Variants in CASKIN1 observed in about 807,000 individuals in gnomAD.
CASKIN1 encodes CASK interacting protein 1.
CASKIN1 carries 42 observed loss-of-function variants against 117.5 expected under a neutral mutation model. The ratio of observed to expected loss-of-function variants is 0.36; its 90% CI spans 0.28 to 0.46. The LOEUF (loss-of-function observed/expected upper bound fraction) is 0.46, where lower values mean the gene tolerates loss of function less well. Among genes scored for constraint, CASKIN1 ranks in the 20% least tolerant of loss-of-function variants. CASKIN1 has a pLI of 1.00. For missense variants in CASKIN1, 2,083 were observed against 2,077.3 expected, an observed-to-expected ratio of 1.00 and a Z score of -0.05; for synonymous variants, 1,148 against 961.7, an observed-to-expected ratio of 1.19 and a Z score of -3.59.
intron 7 of CASKIN1, 35 bp downstream of exon 7, chr16:2,187,318 C>T: frequency 6.2e-7 from 1 of 1,613,334 alleles, no homozygotes; most frequent in Non-Finnish European, 8.5e-7. Context: ...CCCCTACAGT[C>T]CACTGGGCCC....
At chr16:2,193,752 C>T (rs1391588357) in intron 1 of CASKIN1, among the ~76,000 whole-genome samples, 1 of 152,232 alleles carries the variant, frequency 6.6e-6, no homozygotes, top group Admixed American at 6.5e-5. Context: ...AAAGCCATCT[C>T]GTCCCTCTCC....
chr16:2,179,750 C>A lies in CASKIN1; in HGVS notation c.3618G>T (p.Ala1206=). The A allele has an allele frequency of 6.4e-7, 1 of 1,558,618 alleles. No homozygotes were observed. Residue 1206 remains alanine (A), a synonymous_variant, in exon 18 of 20, where the codon GCG becomes GCT. Coordinates refer to ENST00000343516, the MANE Select transcript of CASKIN1 (RefSeq NM_020764.4). The surrounding 1 kb of genome is among the most constrained non-coding windows in gnomAD (Gnocchi z 5.8). ...PPAEPPPTDL[A]HLPPLPPPEG... is the part of the protein sequence containing the mutation. The stretch of plus-strand genomic sequence containing the variant: ...CGGGCGGGGGCAATGGGGGTAGGTG[C>A]GCCAGGTCGGTGGGCGGGGGTTCGG...
intron 1 of CASKIN1, among the ~76,000 whole-genome samples, chr16:2,192,726 C>T (rs113372395): frequency 1.8e-4 from 27 of 152,304 alleles, no homozygotes; most frequent in Admixed American, 5.9e-4. Context: ...CTGCAGCCCT[C>T]GTCACCACCA....
Position 2,180,301 on chromosome 16 carries a change from G to A in CASKIN1, c.3067C>T (p.Pro1023Ser), listed in dbSNP as rs1224474836. ...CGGGGAGTGGGGTGGCCCTCAGGAG[G>A]CCTGCGGGCAGCCCGGCCCCCACCC... Reference protein sequence around the residue: ...IGGGGRAARRPPEGHPTPRPA... With the variant: ...IGGGGRAARRSPEGHPTPRPA... The change falls in exon 18 of 20, where the codon CCT becomes TCT. Residue 1023 changes from proline (P) to serine (S), a missense_variant. Physicochemically the swap from Pro to Ser is moderately conservative, Grantham distance 74. Around this residue, in one of 3 missense-constraint regions of CASKIN1, gnomAD observed 1,818 missense variants for 1,688.9 expected, o/e 1.08. Transcript: ENST00000343516. 6.3e-7 allele frequency: 1 copy of A among 1,586,866 alleles called. No homozygotes were observed. Among genetic ancestry groups the A allele is most frequent in the Non-Finnish European group, 8.5e-7 (1 of 1,170,900 alleles).
At chr16:2,183,002 T>C (rs2093172846) in intron 16 of CASKIN1, among the ~76,000 whole-genome samples, 1 of 152,230 alleles carries the variant, frequency 6.6e-6, no homozygotes, top group Admixed American at 6.5e-5. Flanking sequence ...TTAGCCAGGA[T>C]GGTCTCGATC....
Position 2,177,941 on chromosome 16 carries a change from G to C in CASKIN1, c.*609C>G, listed in dbSNP as rs2093147634. ...CTGGCCGGAGGAAGGACCGCAGGCA[G>C]ACAGCCTGGGCCTCTAACAGCTTTT... On this transcript the variant is annotated 3_prime_UTR_variant, in exon 20 of 20. Coordinates refer to ENST00000343516, the MANE Select transcript of CASKIN1 (RefSeq NM_020764.4). 7 of 348,646 alleles carry C rather than the reference G, an allele frequency of 2.0e-5. No individual in the cohort carries two copies. Among genetic ancestry groups the C allele is most frequent in the South Asian group, 1.7e-4 (6 of 34,288 alleles). 21.6% of individuals were successfully genotyped at this position (348,646 alleles called of 1,614,324 possible).
In CASKIN1 at chr16:2,180,930, G is replaced by A. The variant is rs927035909; in HGVS notation, c.2438C>T (p.Pro813Leu). 7.5e-6 allele frequency: 11 copies of A among 1,460,934 alleles called. No individual in the cohort carries two copies. In the East Asian group the frequency reaches 7.8e-5, roughly 10 times the overall value. The allele number at this position is 1,460,934 out of a possible 1,614,324, so 90.5% of individuals were successfully genotyped here. A position where few individuals can be genotyped will look rare whatever the true frequency, so the allele number is the denominator to read the frequency against. The stretch of plus-strand genomic sequence containing the variant: ...GCGGGGTGACATGGGGCGCTCTGTC[G>A]GCGGCAGCAGCTGCGGGGTGGGCTT... ...KVKPTPQLLP[P>L]TERPMSPRSL... The change falls in exon 18 of 20, where the codon CCG becomes CTG. Residue 813 changes from proline to leucine, a missense_variant. By Grantham distance (98) the Pro-to-Leu change is moderately conservative. Transcript: ENST00000343516.
intron 14 of CASKIN1, 85 bp from the exon 15 acceptor site, chr16:2,184,026 CA>C (rs1567260423): frequency 1.1e-6 from 1 of 873,618 alleles, no homozygotes; most frequent in Admixed American, 2.7e-5. Context: ...CTTGGCCGGC[CA>C]GCCGTGCAGC....
intron 14 of CASKIN1, among the ~76,000 whole-genome samples, chr16:2,184,338 G>T (rs555304113): frequency 6.6e-6 from 1 of 152,232 alleles, no homozygotes; most frequent in African/African-American, 2.4e-5. Flanking sequence ...CCGGAAGGTG[G>T]GCTCTGTGCC....
At position 2,180,289 on chromosome 16, in the gene CASKIN1, G is replaced by T. The variant is rs1319842816; in HGVS notation, c.3079C>A (p.His1027Asn). 2 of 1,577,196 alleles carry T rather than the reference G, an allele frequency of 1.3e-6. No homozygotes were observed. The highest frequency in any genetic ancestry group is 4.7e-5 in the East Asian group (2 of 42,880). The change falls in exon 18 of 20, where the codon CAC becomes AAC. Residue 1027 changes from histidine to asparagine, a missense_variant. This residue lies in a region of CASKIN1 where 1,818 missense variants were observed against 1,688.9 expected (regional missense o/e 1.08). Transcript: ENST00000343516. ...GRAARRPPEG[H>N]PTPRPASPEP... Reference sequence around the variant, plus strand: ...GGGCTGGCAGGGCGGGGAGTGGGGTGGCCCTCAGGAGGCCTGCGGGCAGCC... The same window carrying T: ...GGGCTGGCAGGGCGGGGAGTGGGGTTGCCCTCAGGAGGCCTGCGGGCAGCC...
intron 14 of CASKIN1, among the ~76,000 whole-genome samples, chr16:2,184,531 A>C (rs2093177939): frequency 6.6e-6 from 1 of 152,060 alleles, no homozygotes; most frequent in African/African-American, 2.4e-5. Flanking sequence ...CCACCATCAC[A>C]CACACACACG....
At chr16:2,188,830 C>G in intron 6 of CASKIN1, 197 bp downstream of exon 6, 1 of 719,866 alleles carries the variant, frequency 1.4e-6, no homozygotes, top group Admixed American at 3.2e-5. Flanking sequence ...ACAGAGACGT[C>G]GCAGAAGCCC....
At chr16:2,194,354 T>C (rs2093209656) in intron 1 of CASKIN1, among the ~76,000 whole-genome samples, 1 of 152,092 alleles carries the variant, frequency 6.6e-6, no homozygotes, top group African/African-American at 2.4e-5. Flanking sequence ...CAAGGACAGC[T>C]GCTAAGTGTG....
At chr16:2,183,222 G>A (rs2093173513) in intron 16 of CASKIN1, among the ~76,000 whole-genome samples, 1 of 152,224 alleles carries the variant, frequency 6.6e-6, no homozygotes, top group Non-Finnish European at 1.5e-5. Context: ...CCTGCAGGGT[G>A]TTCCATGCAC....
chr16:2,177,507 A>C lies in CASKIN1; in HGVS notation c.*1043T>G. 1 of 232,760 alleles carries C rather than the reference A, an allele frequency of 4.3e-6. No individual in the cohort carries two copies. The highest frequency in any genetic ancestry group is 8.5e-6 in the Non-Finnish European group (1 of 117,794). 14.4% of individuals were successfully genotyped at this position (232,760 alleles called of 1,614,324 possible). A position where few individuals can be genotyped will look rare whatever the true frequency, so the allele number is the denominator to read the frequency against. On this transcript the variant is annotated 3_prime_UTR_variant, in exon 20 of 20. Transcript: ENST00000343516. ...GAGGAGACCAGTCAGTACTTCTTGG[A>C]GGGGGCAGGAGGAGAGAGGAAAAGG...
Position 2,178,442 on chromosome 16 carries a change from A to G in CASKIN1, c.*108T>C, listed in dbSNP as rs2093151446. 6.2e-6 allele frequency: 5 copies of G among 805,654 alleles called. No individual in the cohort carries two copies. The highest frequency in any genetic ancestry group is 8.9e-6 in the Non-Finnish European group (5 of 561,584). 49.9% of individuals were successfully genotyped at this position (805,654 alleles called of 1,614,324 possible). A position where few individuals can be genotyped will look rare whatever the true frequency, so the allele number is the denominator to read the frequency against. ...CCAGGGGCCGGAGTTGTGCTTCTGC[A>G]GGGCCCTGCCCGGCCGCTCGCGCCG... On this transcript the variant is annotated 3_prime_UTR_variant, in exon 20 of 20. Transcript: ENST00000343516.
rs755331660 is a variant in CASKIN1 at position 2,196,436 on chromosome 16, G to A, written c.-4C>T. On this transcript the variant is annotated 5_prime_UTR_variant, in exon 1 of 20. Transcript: ENST00000343516. The surrounding 1 kb of genome is among the most constrained non-coding windows in gnomAD (Gnocchi z 5.7). Reference sequence around the variant, plus strand: ...CCAGCTCCTGCTCCTTCCCCATGGCGCGGCCGGGGCCGCAGCGACGCGGCT... The same window carrying A: ...CCAGCTCCTGCTCCTTCCCCATGGCACGGCCGGGGCCGCAGCGACGCGGCT... The A allele has an allele frequency of 2.4e-6, 3 of 1,269,364 alleles. No homozygotes were observed. Among genetic ancestry groups the A allele is most frequent in the Admixed American group, 2.9e-5 (1 of 34,276 alleles). 78.6% of individuals were successfully genotyped at this position (1,269,364 alleles called of 1,614,324 possible). A position where few individuals can be genotyped will look rare whatever the true frequency, so the allele number is the denominator to read the frequency against.
At chr16:2,183,515 G>C (rs2093174385) in intron 16 of CASKIN1, 131 bp downstream of exon 16, 1 of 839,542 alleles carries the variant, frequency 1.2e-6, no homozygotes, top group Non-Finnish European at 1.8e-6. Context: ...CCTGCTAGCA[G>C]GGCATCCTCC....
chr16:2,180,312 G>C lies in CASKIN1; in HGVS notation c.3056C>G (p.Ala1019Gly). ...ELSSIGGGGR[A>G]ARRPPEGHPT... is the part of the protein sequence containing the mutation. ...GTGGCCCTCAGGAGGCCTGCGGGCA[G>C]CCCGGCCCCCACCCCCAATGGAGGA... Residue 1019 changes from alanine (A) to glycine (G), a missense_variant, in exon 18 of 20, where the codon GCT (alanine) becomes GGT (glycine). Physicochemically the swap from Ala to Gly is moderately conservative, Grantham distance 60. Coordinates refer to ENST00000343516, the MANE Select transcript of CASKIN1 (RefSeq NM_020764.4). 6.3e-7 allele frequency: 1 copy of C among 1,593,128 alleles called. No homozygotes were observed. The highest frequency in any genetic ancestry group is 1.3e-5 in the African/African-American group (1 of 74,748).
Sources: gnomAD v4.1 joint callset for allele counts (sites outside exome capture counted in the v4.1 genomes callset) on GRCh38, gnomAD v4.1.1 for gene constraint, gnomAD v4.1.1 regional missense constraint, Gnocchi (gnomAD v3.1) non-coding constraint, MANE v1.5 for transcripts, NCBI Gene and HGNC (gene_info 2026-07-23, HGNC 2026-07-21) for gene names.